STARD6: variants seen among roughly 807,000 people sequenced by gnomAD.
STARD6 encodes the protein StAR related lipid transfer domain containing 6.
STARD6 carries 21 observed loss-of-function variants against 22.3 expected under a neutral mutation model. The observed-to-expected ratio is 0.94, with a 90% CI of 0.67 to 1.35. The LOEUF is 1.35. Ranked by LOEUF, STARD6 falls within the 40% of genes most tolerant of loss-of-function variation. The pLI, the probability that STARD6 is intolerant of heterozygous loss-of-function variation, is 0.00. For missense variants in STARD6, 269 were observed against 266.9 expected (o/e 1.01, Z -0.05); for synonymous variants, 80 against 88.1 (o/e 0.91, Z 0.52).
intron 2 of STARD6, among the ~76,000 whole-genome samples, chr18:54,355,175 C>CACATACAATAT (rs1190539225): frequency 6.6e-6 from 1 of 152,130 alleles, no homozygotes; most frequent in East Asian, 1.9e-4. Context: ...GATCTCCTGG[C>CACATACAATAT]TGTTCCTCAC....
intron 5 of STARD6, among the ~76,000 whole-genome samples, chr18:54,336,240 A>G (rs1568168585): frequency 1.3e-5 from 2 of 152,156 alleles, no homozygotes; most frequent in Non-Finnish European, 1.5e-5. Flanking sequence ...AACCTTCTAT[A>G]TAATGTTATT....
At chr18:54,342,436 TCTCC>T (rs2088979143) in intron 4 of STARD6, among the ~76,000 whole-genome samples, 1 of 125,374 alleles carries the variant, frequency 8.0e-6, no homozygotes, top group African/African-American at 3.2e-5. Flanking sequence ...TCCCTCTCCC[TCTCC>T]CTCTCCCTCT....
intron 4 of STARD6, 64 bp from the exon 5 acceptor site, chr18:54,337,315 T>C (rs2088924834): frequency 4.0e-6 from 6 of 1,488,536 alleles, no homozygotes; most frequent in Admixed American, 2.0e-5. Flanking sequence ...GAAAATATAA[T>C]ACTATCAAAG....
intron 5 of STARD6, among the ~76,000 whole-genome samples, chr18:54,336,375 C>T (rs886664723): frequency 1.3e-5 from 2 of 152,154 alleles, no homozygotes; most frequent in Non-Finnish European, 2.9e-5. Context: ...GGGGTGGTTT[C>T]CCGCATGCTG....
intron 6 of STARD6, among the ~76,000 whole-genome samples, chr18:54,329,875 GT>G (rs34087059): frequency 6.6e-4 from 96 of 146,152 alleles, no homozygotes; most frequent in East Asian, 1.6e-3. Context: ...TGTTAATCAT[GT>G]TTTTTTTTTT....
rs1316244371 is a variant in STARD6 at position 54,353,786 on chromosome 18, A to T, written c.140+268T>A. 2.2e-5 allele frequency: 6 copies of T among 277,852 alleles called. No homozygotes were observed. In the East Asian group the frequency reaches 4.1e-4, roughly 19 times the overall value. The allele number at this position is 277,852 out of a possible 1,614,324, so 17.2% of individuals were successfully genotyped here. Reference sequence around the variant, plus strand: ...AAAATACCAATCTGCTTTTATAGTAATTATTTCTTGAAGTGAAAATTTCCT... The same window carrying T: ...AAAATACCAATCTGCTTTTATAGTATTTATTTCTTGAAGTGAAAATTTCCT... On this transcript the variant is annotated intron_variant, in intron 4 of 7. Transcript: ENST00000307844.
At chr18:54,332,419 C>T (rs1382464631) in intron 5 of STARD6, among the ~76,000 whole-genome samples, 1 of 152,166 alleles carries the variant, frequency 6.6e-6, no homozygotes, top group East Asian at 1.9e-4. Context: ...AGGACCAGCA[C>T]AGTTACTATT....
chr18:54,352,048 T>C (rs746821787), intron 4 of STARD6, among the ~76,000 whole-genome samples: 2 of 152,006 alleles, frequency 1.3e-5, no homozygotes, highest in African/African-American at 2.4e-5. Context: ...TCTGATAAAA[T>C]TCAGCTGTGA....
chr18:54,354,604 G>T (rs1405590521), intron 2 of STARD6, 27 bp from the exon 3 acceptor site: 6 of 1,531,664 alleles, frequency 3.9e-6, no homozygotes, highest in Non-Finnish European at 5.4e-6. Flanking sequence ...CAAACAACTG[G>T]TAAGAATATA....
At chr18:54,338,082 G>A (rs560829760) in intron 4 of STARD6, among the ~76,000 whole-genome samples, 2 of 152,262 alleles carry the variant, frequency 1.3e-5, no homozygotes, top group East Asian at 3.9e-4. Flanking sequence ...TATTTCCCAA[G>A]CCACATTCAG....
At chr18:54,331,542 C>CA (rs2088864631) in intron 6 of STARD6, among the ~76,000 whole-genome samples, 200 bp downstream of exon 6, 1 of 152,092 alleles carries the variant, frequency 6.6e-6, no homozygotes, top group African/African-American at 2.4e-5. Context: ...AGAGATGTTG[C>CA]AAATATTGAC....
intron 4 of STARD6, among the ~76,000 whole-genome samples, chr18:54,347,918 A>C (rs1372701514): frequency 6.6e-6 from 1 of 152,086 alleles, no homozygotes; most frequent in Non-Finnish European, 1.5e-5. Context: ...GTTGTAGGAG[A>C]GACCTGGTGG....
intron 7 of STARD6, among the ~76,000 whole-genome samples, chr18:54,327,828 T>A (rs1373995100): frequency 6.6e-6 from 1 of 151,394 alleles, no homozygotes; most frequent in Non-Finnish European, 1.5e-5. Flanking sequence ...TTACAGTGCC[T>A]CAAATGGCTA....
At chr18:54,348,732 T>C (rs186861556) in intron 4 of STARD6, among the ~76,000 whole-genome samples, 1 of 152,264 alleles carries the variant, frequency 6.6e-6, no homozygotes, top group African/African-American at 2.4e-5. Context: ...TGTAGACCTA[T>C]GTGCTGGTAG....
intron 4 of STARD6, among the ~76,000 whole-genome samples, chr18:54,341,146 G>A (rs374159042): frequency 6.6e-6 from 1 of 152,062 alleles, no homozygotes; most frequent in Non-Finnish European, 1.5e-5. Context: ...TGCAACCTCC[G>A]CCTCCAGGGT....
At chr18:54,325,902 TA>T (rs2088821081) in intron 7 of STARD6, among the ~76,000 whole-genome samples, 1 of 152,182 alleles carries the variant, frequency 6.6e-6, no homozygotes, top group South Asian at 2.1e-4. Flanking sequence ...GTTTGTGCAT[TA>T]AGGTTTTTGA....
intron 4 of STARD6, among the ~76,000 whole-genome samples, chr18:54,342,423 G>GTCTCCGTCTCCCTCTCCC (rs1555681159): frequency 2.2e-4 from 26 of 118,262 alleles, no homozygotes; most frequent in African/African-American, 8.8e-4. Context: ...AATGCTCTCC[G>GTCTCCGTCTCCCTCTCCC]TCTCCCTCTC....
chr18:54,350,810 T>C (rs1195599722), intron 4 of STARD6, among the ~76,000 whole-genome samples: 1 of 152,192 alleles, frequency 6.6e-6, no homozygotes, highest in Non-Finnish European at 1.5e-5. Context: ...TGGCTTTATT[T>C]CTGGGTTCTC....
chr18:54,354,032 G>A (rs1243737016), intron 4 of STARD6, 22 bp downstream of exon 4: 3 of 1,480,002 alleles, frequency 2.0e-6, no homozygotes, highest in Non-Finnish European at 2.8e-6. Context: ...AACAGTAATT[G>A]TAAATAGAAG....
Sources: gnomAD v4.1 joint callset for allele counts (sites outside exome capture counted in the v4.1 genomes callset) on GRCh38, gnomAD v4.1.1 for gene constraint, MANE v1.5 for transcripts, NCBI Gene and HGNC (gene_info 2026-07-23, HGNC 2026-07-21) for gene names.